The following PRKG1 variants were observed in gnomAD, a reference collection of about 807,000 sequenced individuals.
PRKG1 encodes protein kinase cGMP-dependent 1.
PRKG1 carries 35 observed loss-of-function variants against 88.1 expected under a neutral mutation model. The observed-to-expected ratio is 0.40, with a 90% confidence interval of 0.30 to 0.53. The LOEUF (loss-of-function observed/expected upper bound fraction) is 0.53, where lower values mean the gene tolerates loss of function less well. PRKG1 is among the 20% of genes least tolerant of loss of function. The probability of loss-of-function intolerance (pLI) is 0.59; values close to 1 mark genes in which losing one functional copy is unlikely to be tolerated. For missense variants in PRKG1, 540 were observed against 839.8 expected (o/e 0.64, Z 4.41); for synonymous variants, 303 against 292.5 (o/e 1.04, Z -0.37).
intron 9 of PRKG1, chr10:52,185,208 T>A (rs549600736): frequency 6.6e-6 from 1 of 152,200 alleles, no homozygotes; most frequent in Non-Finnish European, 1.5e-5. Flanking sequence ...ACAATGGTGG[T>A]ATAAGCATTG....
At chr10:52,119,337 T>C (rs1300951366) in intron 7 of PRKG1, among the ~76,000 whole-genome samples, 3 of 152,130 alleles carry the variant, frequency 2.0e-5, no homozygotes, top group African/African-American at 7.2e-5. Context: ...AAATGGAGAA[T>C]GAATCATTTT....
chr10:52,040,330 T>A (rs1845724660), intron 5 of PRKG1, among the ~76,000 whole-genome samples: 1 of 152,228 alleles, frequency 6.6e-6, no homozygotes, highest in Non-Finnish European at 1.5e-5. Flanking sequence ...AACACTAAAT[T>A]GTGTGATTCC....
intron 3 of PRKG1, among the ~76,000 whole-genome samples, chr10:51,671,770 T>C (rs555091701): frequency 6.6e-6 from 1 of 152,236 alleles, no homozygotes; most frequent in South Asian, 2.1e-4. Context: ...GTATTTTTTG[T>C]AGGGACGGGG....
intron 10 of PRKG1, among the ~76,000 whole-genome samples, chr10:52,269,897 C>A (rs1286467389): frequency 1.3e-5 from 2 of 152,042 alleles, no homozygotes; most frequent in Admixed American, 1.3e-4. Context: ...TCCTCTGGAG[C>A]CACTGGGAGC....
At chr10:51,292,608 A>G (rs1840612155) in intron 2 of PRKG1, among the ~76,000 whole-genome samples, 1 of 152,144 alleles carries the variant, frequency 6.6e-6, no homozygotes, top group Admixed American at 6.5e-5. Context: ...GCATTGGCCA[A>G]TAGCTCAAAA....
intron 3 of PRKG1, among the ~76,000 whole-genome samples, chr10:51,567,836 C>T (rs1321465988): frequency 6.6e-6 from 1 of 152,092 alleles, no homozygotes; most frequent in Non-Finnish European, 1.5e-5. Flanking sequence ...ATCTGCCCAC[C>T]TCAGCCTCTC....
intron 2 of PRKG1, among the ~76,000 whole-genome samples, chr10:51,430,195 T>C (rs1486431608): frequency 1.3e-5 from 2 of 150,702 alleles, no homozygotes; most frequent in Non-Finnish European, 2.9e-5. Context: ...ACAGGAGGAT[T>C]GCTTGAACCC....
At chr10:51,166,514 A>G (rs1029199534) in intron 2 of PRKG1, among the ~76,000 whole-genome samples, 3 of 152,204 alleles carry the variant, frequency 2.0e-5, no homozygotes, top group Non-Finnish European at 4.4e-5. Flanking sequence ...ATTAAAAATG[A>G]GTCTTTAAAG....
At chr10:51,779,816 G>T (rs1335940848) in intron 3 of PRKG1, among the ~76,000 whole-genome samples, 1 of 152,032 alleles carries the variant, frequency 6.6e-6, no homozygotes, top group Non-Finnish European at 1.5e-5. Context: ...TTAAATTGGG[G>T]TTTACTGTGG....
At chr10:51,130,050 G>A (rs1035158979) in intron 1 of PRKG1, among the ~76,000 whole-genome samples, 3 of 152,142 alleles carry the variant, frequency 2.0e-5, no homozygotes, top group Non-Finnish European at 2.9e-5. Flanking sequence ...TAATAGTTTT[G>A]CATGGATAGG....
chr10:51,181,137 C>G (rs1424856966), intron 2 of PRKG1, among the ~76,000 whole-genome samples: 1 of 151,504 alleles, frequency 6.6e-6, no homozygotes, highest in Non-Finnish European at 1.5e-5. Flanking sequence ...TCATCCCAAC[C>G]CATTGCAAAA....
intron 4 of PRKG1, among the ~76,000 whole-genome samples, chr10:51,890,043 G>A (rs572637809): frequency 3.9e-5 from 6 of 152,220 alleles, no homozygotes; most frequent in African/African-American, 7.2e-5. Context: ...CTTTTGCTGT[G>A]CAGAAGCTCT....
In PRKG1 at chr10:51,554,058, C is replaced by CATATGTGATAT. The variant is rs1564547348; in HGVS notation, c.592+86222_592+86223insATATGTGATAT. On this transcript the variant is annotated intron_variant, in intron 3 of 17. Coordinates refer to ENST00000373980, the MANE Select transcript of PRKG1 (RefSeq NM_006258.4). ...ATATATTATATGTGCGTATGTGATACGTGTATATATTATATGTGCGTATGT... is the reference window on the plus strand; with the variant it reads ...ATATATTATATGTGCGTATGTGATACATATGTGATATGTGTATATATTATATGTGCGTATGT... 2.6e-5 allele frequency among the ~76,000 whole-genome samples: 2 copies of CATATGTGATAT among 77,964 alleles called. 1 individual carries two copies. Among genetic ancestry groups the CATATGTGATAT allele is most frequent in the Non-Finnish European group, 4.7e-5 (2 of 42,378 alleles). The allele number at this position is 77,964 out of a possible 152,430, so 51.1% of individuals were successfully genotyped here.
At chr10:51,093,768 C>A (rs1844455205) in intron 1 of PRKG1, among the ~76,000 whole-genome samples, 1 of 135,238 alleles carries the variant, frequency 7.4e-6, no homozygotes. Flanking sequence ...TACATATATA[C>A]ATATACATAT....
intron 3 of PRKG1, among the ~76,000 whole-genome samples, chr10:51,566,429 A>C (rs540586954): frequency 6.6e-6 from 1 of 152,110 alleles, no homozygotes; most frequent in Middle Eastern, 3.2e-3. Context: ...TTGAGTGCCT[A>C]TATGTTCCAG....
chr10:51,075,590 C>T (rs1261466023), intron 1 of PRKG1, among the ~76,000 whole-genome samples: 1 of 152,178 alleles, frequency 6.6e-6, no homozygotes, highest in Non-Finnish European at 1.5e-5. Context: ...AAGAAACGTG[C>T]ATAATGTTAC....
chr10:51,795,306 T>G (rs1838980739), intron 3 of PRKG1, among the ~76,000 whole-genome samples: 1 of 152,122 alleles, frequency 6.6e-6, no homozygotes, highest in South Asian at 2.1e-4. Context: ...TGATGGTAAT[T>G]TTTCTTACTA....
chr10:51,699,987 G>A (rs1037639715), intron 3 of PRKG1, among the ~76,000 whole-genome samples: 17 of 152,254 alleles, frequency 1.1e-4, no homozygotes, highest in Admixed American at 8.5e-4. Context: ...GATTTAAGGC[G>A]GCGTGTTTTT....
intron 3 of PRKG1, among the ~76,000 whole-genome samples, chr10:51,743,699 T>A (rs1837497764): frequency 1.6e-5 from 2 of 122,026 alleles, no homozygotes; most frequent in Admixed American, 1.7e-4. Flanking sequence ...ATTATATATA[T>A]AATATAAACT....
Sources: gnomAD v4.1 joint callset for allele counts (sites outside exome capture counted in the v4.1 genomes callset) on GRCh38, gnomAD v4.1.1 for gene constraint, MANE v1.5 for transcripts, NCBI Gene and HGNC (gene_info 2026-07-23, HGNC 2026-07-21) for gene names.